Variants in TASOR2 observed in about 807,000 individuals in gnomAD.
The protein encoded by TASOR2 is protein TASOR 2.
TASOR2 carries 84 observed loss-of-function variants against 199.5 expected under a neutral mutation model. The observed-to-expected ratio is 0.42, with a 90% CI of 0.35 to 0.50. The LOEUF is 0.50. Ranked by LOEUF, TASOR2 falls within the 20% of genes least tolerant of loss-of-function variation. The pLI, the probability that TASOR2 is intolerant of heterozygous loss-of-function variation, is 0.02. For missense variants in TASOR2, 2,796 were observed against 2,835.9 expected (o/e 0.99, Z 0.32); for synonymous variants, 1,103 against 1,046.6 (o/e 1.05, Z -1.04).
chr10:5,707,244 TAGAG>T (rs1163689368), intron 1 of TASOR2, among the ~76,000 whole-genome samples: 1 of 152,176 alleles, frequency 6.6e-6, no homozygotes, highest in Non-Finnish European at 1.5e-5. Context: ...AAGGAGGCCT[TAGAG>T]AGTATAAATT....
At chr10:5,693,028 G>A (rs1395459840) in intron 1 of TASOR2, 1 of 152,332 alleles carries the variant, frequency 6.6e-6, no homozygotes, top group African/African-American at 2.4e-5. Context: ...ACAGCGCTGA[G>A]TGCGAAGGAG....
Position 5,720,447 on chromosome 10 carries a change from A to G in TASOR2, c.-99-97A>G. The G allele has an allele frequency of 7.0e-7, 1 of 1,423,294 alleles. No homozygotes were observed. The highest frequency in any genetic ancestry group is 3.0e-5 in the Admixed American group (1 of 33,258). The allele number at this position is 1,423,294 out of a possible 1,614,324, so 88.2% of individuals were successfully genotyped here. On this transcript the variant is annotated intron_variant, in intron 3 of 20. Transcript: ENST00000328090. The surrounding 1 kb of genome is among the most constrained non-coding windows in gnomAD (Gnocchi z 5.3). ...CACCCAAGATATATTTCTGACTCTA[A>G]TGTGTTAAATTTCAGGGCTCGGTGG... is the stretch of plus-strand genomic sequence containing the variant.
rs181171778 is a variant in TASOR2, at chr10:5,737,659, A to G, written c.1448-1959A>G. Among the ~76,000 whole-genome samples the G allele has an allele frequency of 1.3e-5, 2 of 152,290 alleles. No homozygotes were observed. Among genetic ancestry groups the G allele is most frequent in the Admixed American group, 6.5e-5 (1 of 15,304 alleles). On this transcript the variant is annotated intron_variant, in intron 12 of 20. Coordinates refer to ENST00000328090, the Ensembl canonical transcript of TASOR2. The surrounding 1 kb of genome is among the most constrained non-coding windows in gnomAD (Gnocchi z 4.9). The stretch of plus-strand genomic sequence containing the variant: ...TCTTTGGGATATTTGAGAACATTCT[A>G]TAATTTAATTCATACTGTTTTCAAT...
exon 13 of TASOR2, chr10:5,739,960 C>G (rs750074546): frequency 1.2e-6 from 2 of 1,614,090 alleles, no homozygotes; most frequent in Non-Finnish European, 8.5e-7. Flanking sequence ...GAATTACTAC[C>G]TAACCCATCT....
At chr10:5,707,725 T>TTC (rs1331719942) in intron 1 of TASOR2, among the ~76,000 whole-genome samples, 73 of 109,380 alleles carry the variant, frequency 6.7e-4, no homozygotes, top group African/African-American at 2.6e-3. Flanking sequence ...CTCACTCATT[T>TTC]TCACACACAC....
In TASOR2 at chr10:5,750,362, G is replaced by A. The variant is rs568032281; in HGVS notation, c.6606+335G>A. ...TTTGAAAAGTGGTTGTAGATTGTCCGTTAGTGTGGGTGGTCAAGTAGGACC... is the reference window on the plus strand; with the variant it reads ...TTTGAAAAGTGGTTGTAGATTGTCCATTAGTGTGGGTGGTCAAGTAGGACC... On this transcript the variant is annotated intron_variant, in intron 15 of 20. Transcript: ENST00000328090. This position sits in a 1 kb window ranked among gnomAD's most constrained non-coding sequence, Gnocchi z 5.4. Among the ~76,000 whole-genome samples the A allele has an allele frequency of 7.9e-5, 12 of 152,296 alleles. No homozygotes were observed. Among genetic ancestry groups the A allele is most frequent in the East Asian group, 3.9e-4 (2 of 5,190 alleles).
In TASOR2 at chr10:5,746,122, G is replaced by A. The variant is rs550445679; in HGVS notation, c.2758-57G>A. 525 of 1,470,142 alleles carry A rather than the reference G, an allele frequency of 3.6e-4. 2 individuals are homozygous for A. Among genetic ancestry groups the A allele is most frequent in the African/African-American group, 2.8e-3 (197 of 70,184 alleles). 91.1% of individuals were successfully genotyped at this position (1,470,142 alleles called of 1,614,324 possible). The stretch of plus-strand genomic sequence containing the variant: ...CTGTTCTTCACATGTACATATAATC[G>A]TATAAAAAACATTTTATATGACTGA... On this transcript the variant is annotated intron_variant, in intron 14 of 20. Transcript: ENST00000328090.
In TASOR2 at chr10:5,701,097, T is replaced by C. The variant is rs1837784481; in HGVS notation, c.-287-11726T>C. 6.6e-6 allele frequency among the ~76,000 whole-genome samples: 1 copy of C among 152,152 alleles called. No individual in the cohort carries two copies. The highest frequency in any genetic ancestry group is 1.5e-5 in the Non-Finnish European group (1 of 68,018). On this transcript the variant is annotated intron_variant, in intron 1 of 20. Transcript: ENST00000328090. This position sits in a 1 kb window ranked among gnomAD's most constrained non-coding sequence, Gnocchi z 4.9. ...GGAGTGTTTTCCCAGTGTTTTCTTCTGGTAGTTTCATAGTTTTGGGTCTTA... is the reference window on the plus strand; with the variant it reads ...GGAGTGTTTTCCCAGTGTTTTCTTCCGGTAGTTTCATAGTTTTGGGTCTTA...
exon 7 of TASOR2, chr10:5,723,734 A>G (rs369161573): frequency 2.5e-6 from 4 of 1,605,734 alleles, no homozygotes; most frequent in Non-Finnish European, 3.4e-6. Context: ...AAAAAAGACT[A>G]CCAGAGGCTG....
intron 16 of TASOR2, among the ~76,000 whole-genome samples, chr10:5,757,074 A>G (rs1179412536): frequency 1.3e-5 from 2 of 152,266 alleles, no homozygotes; most frequent in East Asian, 3.8e-4. Context: ...TATATTTACC[A>G]GCTAGTTGAA....
Position 5,748,469 on chromosome 10 carries a change from A to G in TASOR2, c.5048A>G (p.Gln1683Arg). The stretch of plus-strand genomic sequence containing the variant: ...AATGCAGAGCCAGTGTTTCAAGCAC[A>G]GGAAATACCAGCAGGCAGAATGGCC... The change falls in exon 15 of 21, where the codon CAG (glutamine) becomes CGG (arginine). Residue 1683 changes from glutamine (Q) to arginine (R), a missense_variant. By Grantham distance (43) the Gln-to-Arg change is conservative. Coordinates refer to ENST00000328090, the Ensembl canonical transcript of TASOR2. The surrounding 1 kb of genome is among the most constrained non-coding windows in gnomAD (Gnocchi z 5.1). 1.2e-6 allele frequency: 2 copies of G among 1,614,206 alleles called. No individual in the cohort carries two copies. Among genetic ancestry groups the G allele is most frequent in the Middle Eastern group, 1.6e-4 (1 of 6,062 alleles).
At position 5,719,490 on chromosome 10, in the gene TASOR2, G is replaced by A. The variant is rs972942762; in HGVS notation, c.-99-1054G>A. ...CCCAAGTGGCTGGGACTACAGGCGC[G>A]CGCTACCACACCCAGCTAATTTTTT... On this transcript the variant is annotated intron_variant, in intron 3 of 20. Coordinates refer to ENST00000328090, the Ensembl canonical transcript of TASOR2. This position sits in a 1 kb window ranked among gnomAD's most constrained non-coding sequence, Gnocchi z 4.1. Among the ~76,000 whole-genome samples the A allele has an allele frequency of 2.6e-5, 4 of 152,048 alleles. No homozygotes were observed. Among genetic ancestry groups the A allele is most frequent in the East Asian group, 3.9e-4 (2 of 5,170 alleles).
chr10:5,730,821 G>A lies in TASOR2; in HGVS notation c.822G>A (p.Val274=). ...ACCCTAGTGCTTACATTTTGGAAGT[G>A]TCTACTGCTTTGGACTTGCTAGCAG... The change falls in exon 11 of 21, where the codon GTG becomes GTA. Residue 274 remains valine, a synonymous_variant. Coordinates refer to ENST00000328090, the Ensembl canonical transcript of TASOR2. This position sits in a 1 kb window ranked among gnomAD's most constrained non-coding sequence, Gnocchi z 4.1. 2 of 1,614,192 alleles carry A rather than the reference G, an allele frequency of 1.2e-6. No individual in the cohort carries two copies. Among genetic ancestry groups the A allele is most frequent in the Non-Finnish European group, 8.5e-7 (1 of 1,180,034 alleles).
intron 1 of TASOR2, among the ~76,000 whole-genome samples, chr10:5,709,862 G>A (rs768065401): frequency 7.9e-5 from 12 of 152,096 alleles, no homozygotes; most frequent in South Asian, 2.1e-4. Context: ...CATAAAACAC[G>A]TATGTTCCTC....
chr10:5,693,295 GTCA>G (rs1236014755), intron 1 of TASOR2, among the ~76,000 whole-genome samples: 2 of 152,170 alleles, frequency 1.3e-5, no homozygotes, highest in East Asian at 3.8e-4. Context: ...AATAGCTAAG[GTCA>G]TCTTTTGAAA....
intron 1 of TASOR2, among the ~76,000 whole-genome samples, chr10:5,695,706 A>C (rs562249896): frequency 1.3e-5 from 2 of 152,306 alleles, no homozygotes; most frequent in East Asian, 3.9e-4. Flanking sequence ...AGAGGAGGTG[A>C]GAGGAAGATA....
intron 1 of TASOR2, among the ~76,000 whole-genome samples, chr10:5,697,174 G>T (rs1837265737): frequency 6.6e-6 from 1 of 152,188 alleles, no homozygotes. Context: ...CGAATGTATA[G>T]TTCCAAAAGG....
At chr10:5,747,909 T>C (rs754327864) in exon 15 of TASOR2, 21 of 1,613,694 alleles carry the variant, frequency 1.3e-5, no homozygotes, top group Non-Finnish European at 1.6e-5. Flanking sequence ...CAACCCTTCC[T>C]GGTAAAGTAA....
chr10:5,717,067 A>C (rs1285985018), intron 2 of TASOR2, among the ~76,000 whole-genome samples: 1 of 149,668 alleles, frequency 6.7e-6, no homozygotes, highest in African/African-American at 2.4e-5. Flanking sequence ...ACATTGCTAC[A>C]ATCTTACGAT....
Sources: gnomAD v4.1 joint callset for allele counts (sites outside exome capture counted in the v4.1 genomes callset) on GRCh38, gnomAD v4.1.1 for gene constraint, Gnocchi (gnomAD v3.1) non-coding constraint, MANE v1.5 for transcripts, NCBI Gene and HGNC (gene_info 2026-07-23, HGNC 2026-07-21) for gene names.